The following USP34 variants were observed in gnomAD, a reference collection of about 807,000 sequenced individuals.
USP34 encodes ubiquitin specific peptidase 34.
Under a neutral mutation model 460.3 loss-of-function variants are expected in USP34, and 70 were observed. That is an observed-to-expected ratio of 0.15 (90% CI 0.13 to 0.19). The LOEUF (loss-of-function observed/expected upper bound fraction) is 0.19. Ranked by LOEUF, USP34 falls within the 10% of genes least tolerant of loss-of-function variation. The pLI is 1.00. For synonymous variants in USP34, 1,647 were observed against 1,405.3 expected, an observed-to-expected ratio of 1.17 and a Z score of -3.85; for missense variants, 3,985 against 4,236.2, an observed-to-expected ratio of 0.94 and a Z score of 1.65.
intron 10 of USP34, among the ~76,000 whole-genome samples, chr2:61,365,944 C>CTATTTATTTATTTATT (rs70963417): frequency 0.15 from 21,980 of 150,100 alleles, 1,973 homozygotes; most frequent in East Asian, 0.32. Flanking sequence ...CTGGGAACAC[C>CTATTTATTTATTTATT]TATTTATTTA....
intron 72 of USP34, 40 bp from the exon 73 acceptor site, chr2:61,204,641 A>C (rs1413159920): frequency 6.8e-7 from 1 of 1,481,434 alleles, no homozygotes; most frequent in Admixed American, 1.7e-5. Context: ...AAAAATTAAG[A>C]GTTATATCTG....
intron 33 of USP34, among the ~76,000 whole-genome samples, chr2:61,289,363 T>C (rs1689781197): frequency 6.6e-6 from 1 of 152,138 alleles, no homozygotes; most frequent in South Asian, 2.1e-4. Context: ...ACTGAAACTC[T>C]TGCACTTTCC....
chr2:61,331,193 A>C, intron 20 of USP34, 83 bp downstream of exon 20: 1 of 1,213,798 alleles, frequency 8.2e-7, no homozygotes, highest in South Asian at 1.6e-5. Context: ...TATTATATGA[A>C]AAAAAGTTAA....
intron 10 of USP34, among the ~76,000 whole-genome samples, chr2:61,356,800 T>C (rs961988292): frequency 6.6e-6 from 1 of 152,172 alleles, no homozygotes; most frequent in African/African-American, 2.4e-5. Context: ...TATTGCACAA[T>C]GCAAATAGAC....
intron 41 of USP34, among the ~76,000 whole-genome samples, chr2:61,270,167 G>A (rs931191772): frequency 3.3e-5 from 5 of 152,206 alleles, no homozygotes; most frequent in Non-Finnish European, 5.9e-5. Flanking sequence ...GTATTAGAAG[G>A]TGGGACCTTT....
At chr2:61,326,075 C>CA (rs1306499055) in intron 20 of USP34, among the ~76,000 whole-genome samples, 2 of 152,124 alleles carry the variant, frequency 1.3e-5, no homozygotes, top group Non-Finnish European at 2.9e-5. Context: ...CAACAAGAGA[C>CA]AGACTGTGGT....
chr2:61,195,775 G>C (rs1006013570), intron 75 of USP34, among the ~76,000 whole-genome samples: 15 of 152,272 alleles, frequency 9.9e-5, no homozygotes, highest in African/African-American at 3.6e-4. Flanking sequence ...TGCAAAAAGA[G>C]TCTGCTAACC....
At chr2:61,264,287 A>G (rs1688982890) in intron 43 of USP34, among the ~76,000 whole-genome samples, 1 of 152,228 alleles carries the variant, frequency 6.6e-6, no homozygotes, top group African/African-American at 2.4e-5. Flanking sequence ...TAATTCAGTG[A>G]AAGTATATAA....
At chr2:61,368,427 A>C (rs548891663) in intron 10 of USP34, among the ~76,000 whole-genome samples, 26 of 151,672 alleles carry the variant, frequency 1.7e-4, no homozygotes, top group South Asian at 4.2e-4. Context: ...GCAAGACTCC[A>C]TCTCAAAAAA....
At chr2:61,389,673 T>C (rs990649795) in intron 5 of USP34, among the ~76,000 whole-genome samples, 1 of 152,144 alleles carries the variant, frequency 6.6e-6, no homozygotes, top group Non-Finnish European at 1.5e-5. Flanking sequence ...TTAACACTAC[T>C]ATAGATCCCA....
chr2:61,279,106 T>C (rs1689459820), intron 39 of USP34, among the ~76,000 whole-genome samples: 1 of 151,936 alleles, frequency 6.6e-6, no homozygotes, highest in Admixed American at 6.6e-5. Flanking sequence ...TTGTTTTTTT[T>C]TTTTAAAGTA....
chr2:61,263,920 A>C (rs560125460), intron 43 of USP34, among the ~76,000 whole-genome samples: 27 of 152,314 alleles, frequency 1.8e-4, no homozygotes, highest in Admixed American at 1.0e-3. Flanking sequence ...ATCTACTCAT[A>C]ATCAGCACAT....
chr2:61,218,485 G>C (rs1687468092), intron 67 of USP34, among the ~76,000 whole-genome samples: 1 of 151,926 alleles, frequency 6.6e-6, no homozygotes, highest in Non-Finnish European at 1.5e-5. Context: ...TATTATGATG[G>C]TACATTTGTT....
chr2:61,358,909 G>T (rs1189110126), intron 10 of USP34, among the ~76,000 whole-genome samples: 1 of 152,236 alleles, frequency 6.6e-6, no homozygotes, highest in Admixed American at 6.5e-5. Flanking sequence ...TAACCAAAGA[G>T]GGTAAAGTTT....
intron 61 of USP34, among the ~76,000 whole-genome samples, chr2:61,227,592 T>C (rs1372314747): frequency 6.6e-6 from 1 of 152,048 alleles, no homozygotes; most frequent in African/African-American, 2.4e-5. Flanking sequence ...GCGCTTGTAA[T>C]CCCTGCTACT....
chr2:61,334,861 G>A (rs1288630713), intron 18 of USP34, among the ~76,000 whole-genome samples: 2 of 152,132 alleles, frequency 1.3e-5, no homozygotes, highest in African/African-American at 4.8e-5. Flanking sequence ...GAATTTATAA[G>A]TGCTGAATTA....
In USP34 at chr2:61,214,124, G is replaced by T; in HGVS notation, c.8618C>A (p.Ala2873Asp). The part of the protein sequence containing the change: ...EQSPAFTRQL[A>D]SHQNIQWAFK... ...GGCCCACTGGATGTTCTGGTGAGAAGCCAGTTGTCGTGTGAATGCAGGAGA... is the reference window on the plus strand; with the variant it reads ...GGCCCACTGGATGTTCTGGTGAGAATCCAGTTGTCGTGTGAATGCAGGAGA... Residue 2873 changes from alanine (A) to aspartate (D), a missense_variant, in exon 68 of 80, where the codon GCT becomes GAT. By Grantham distance (126) the Ala-to-Asp change is moderately radical. Around this residue, in one of 14 missense-constraint regions of USP34, gnomAD observed 66 missense variants for 121.2 expected, o/e 0.54. Coordinates refer to ENST00000398571, the MANE Select transcript of USP34 (RefSeq NM_014709.4). 6.2e-7 allele frequency: 1 copy of T among 1,614,264 alleles called. No homozygotes were observed. The highest frequency in any genetic ancestry group is 8.5e-7 in the Non-Finnish European group (1 of 1,180,050).
intron 48 of USP34, 32 bp from the exon 49 acceptor site, chr2:61,248,715 A>AT: frequency 6.6e-7 from 1 of 1,512,400 alleles, no homozygotes; most frequent in Non-Finnish European, 8.9e-7. Flanking sequence ...AATAAAGATT[A>AT]TTTTTTACAA....
chr2:61,239,748 C>G (rs970659210), intron 53 of USP34, among the ~76,000 whole-genome samples: 1 of 152,142 alleles, frequency 6.6e-6, no homozygotes. Flanking sequence ...TGAGAACAAT[C>G]CTGTAATCCC....
Sources: allele counts gnomAD v4.1 joint callset (sites outside exome capture counted in the v4.1 genomes callset), GRCh38; gene constraint gnomAD v4.1.1; regional missense constraint gnomAD v4.1.1; transcripts MANE v1.5; gene names NCBI Gene and HGNC (gene_info 2026-07-23, HGNC 2026-07-21).